The following ZNF606 variants were observed in gnomAD, a reference collection of about 807,000 sequenced individuals.
ZNF606 encodes zinc finger protein 606.
In ZNF606, 37 loss-of-function variants were observed where a neutral mutation model predicts 74.9. The ratio of observed to expected loss-of-function variants is 0.49; its 90% CI spans 0.38 to 0.65. The LOEUF (loss-of-function observed/expected upper bound fraction) is 0.65, where lower values mean the gene tolerates loss of function less well. Ranked by LOEUF, ZNF606 falls within the 30% of genes least tolerant of loss-of-function variation. The probability of loss-of-function intolerance (pLI) is 0.00; values close to 1 mark genes in which losing one functional copy is unlikely to be tolerated. For missense variants in ZNF606, 852 were observed against 952.9 expected, an observed-to-expected ratio of 0.89 and a Z score of 1.39; for synonymous variants, 328 against 312.4, an observed-to-expected ratio of 1.05 and a Z score of -0.53.
chr19:57,987,631 C>A (rs911038642), intron 6 of ZNF606, among the ~76,000 whole-genome samples: 2 of 151,988 alleles, frequency 1.3e-5, no homozygotes, highest in African/African-American at 4.8e-5. Context: ...AGTTCGAGAC[C>A]AGCCCAGCCA....
At position 58,000,729 on chromosome 19, in the gene ZNF606, C is replaced by A; in HGVS notation, c.42G>T (p.Thr14=). The change falls in exon 3 of 7, where the codon ACG becomes ACT. Residue 14 remains threonine (T), a synonymous_variant. Coordinates refer to ENST00000551380, the MANE Select transcript of ZNF606 (RefSeq NM_001348022.3). ...CAGCTGTCATCCCCCAAGATTGGTC[C>A]GTAAGGGCACCTGCACAGAAGGATC... The part of the protein sequence containing the change: ...INPWASWGAL[T]DQSWGMTAVD... The A allele has an allele frequency of 6.3e-7, 1 of 1,592,544 alleles. No individual in the cohort carries two copies. The highest frequency in any genetic ancestry group is 8.6e-7 in the Non-Finnish European group (1 of 1,168,018).
At chr19:57,999,595 G>T (rs967077585) in intron 4 of ZNF606, 2 of 526,190 alleles carry the variant, frequency 3.8e-6, no homozygotes, top group Non-Finnish European at 6.7e-6. Flanking sequence ...GGGAGAGTTG[G>T]AGCTCAGTAC....
At chr19:57,998,823 T>C (rs1188227202) in intron 4 of ZNF606, 1 of 152,076 alleles carries the variant, frequency 6.6e-6, no homozygotes, top group South Asian at 2.1e-4. Flanking sequence ...AGTAACTCCA[T>C]TGTCCTATTT....
chr19:58,002,157 C>A (rs1473697745), intron 1 of ZNF606: 3 of 456,708 alleles, frequency 6.6e-6, no homozygotes, highest in Non-Finnish European at 1.3e-5. Flanking sequence ...ACAGTGACCG[C>A]CGCCGTCACT....
chr19:57,990,840 C>A (rs924787647), intron 4 of ZNF606, among the ~76,000 whole-genome samples: 56 of 152,096 alleles, frequency 3.7e-4, no homozygotes, highest in African/African-American at 1.3e-3. Context: ...CAAAGAACTG[C>A]TTCTGCTCCA....
intron 1 of ZNF606, chr19:58,002,072 T>C (rs76724061): frequency 2.3e-6 from 1 of 426,080 alleles, no homozygotes; most frequent in Non-Finnish European, 4.7e-6. Context: ...GAACACACAG[T>C]GGGCCTCAGG....
At chr19:57,980,429 G>C (rs2073067583) in intron 6 of ZNF606, 150 bp from the exon 7 acceptor site, 1 of 745,012 alleles carries the variant, frequency 1.3e-6, no homozygotes. Context: ...GATCATAATA[G>C]GGAAAAGAAT....
intron 6 of ZNF606, among the ~76,000 whole-genome samples, chr19:57,984,833 G>C (rs771994293): frequency 6.6e-6 from 1 of 152,202 alleles, no homozygotes; most frequent in Non-Finnish European, 1.5e-5. Context: ...AGTGGCTCAT[G>C]CCTGTAATCC....
rs143232782 is a variant in ZNF606, at chr19:57,987,615, G to A, written c.400+592C>T. Among the ~76,000 whole-genome samples the A allele has an allele frequency of 4.3e-3, 657 of 152,140 alleles. 3 individuals are homozygous for A. The highest frequency in any genetic ancestry group is 0.015 in the African/African-American group (639 of 41,510). On this transcript the variant is annotated intron_variant, in intron 6 of 6. Coordinates refer to ENST00000551380, the MANE Select transcript of ZNF606 (RefSeq NM_001348022.3). ...GCCCGAGGTGGGCGGATCACTTGAG[G>A]TCAGGAGTTCGAGACCAGCCCAGCC...
At chr19:58,001,656 G>C (rs1023884417) in intron 1 of ZNF606, among the ~76,000 whole-genome samples, 3 of 152,140 alleles carry the variant, frequency 2.0e-5, no homozygotes, top group Non-Finnish European at 4.4e-5. Flanking sequence ...GGATTAATCT[G>C]ACAATTATTG....
intron 6 of ZNF606, 123 bp downstream of exon 6, chr19:57,988,084 G>C: frequency 1.4e-6 from 1 of 702,066 alleles, no homozygotes; most frequent in Non-Finnish European, 2.3e-6. Flanking sequence ...AGCAAGAGAA[G>C]AAAGCTCCTT....
chr19:58,003,067 C>A, upstream of ZNF606: 1 of 406,818 alleles, frequency 2.5e-6, no homozygotes. Flanking sequence ...GCCCCGCGGG[C>A]CTCGGTTTGC....
intron 4 of ZNF606, chr19:57,999,354 T>C (rs1258897964): frequency 6.9e-5 from 12 of 172,734 alleles, no homozygotes; most frequent in Non-Finnish European, 1.2e-4. Flanking sequence ...ACTGCACGTG[T>C]GGCTCCAGGT....
Position 57,980,213 on chromosome 19 carries a change from G to C in ZNF606, c.467C>G (p.Ser156Cys). Residue 156 changes from serine (S) to cysteine (C), a missense_variant, in exon 7 of 7, where the codon TCC (serine) becomes TGC (cysteine). By Grantham distance (112) the Ser-to-Cys change is moderately radical. This residue lies in a region of ZNF606 where 545 missense variants were observed against 542.5 expected (regional missense o/e 1.00). Transcript: ENST00000551380. Reference protein sequence around the residue: ...PAQSIFEEEQSHGMKLERYIW... With the variant: ...PAQSIFEEEQCHGMKLERYIW... Reference sequence around the variant, plus strand: ...ATATCTTTCCAACTTCATGCCATGGGATTGTTCTTCCTCAAAAATGCTCTG... The same window carrying C: ...ATATCTTTCCAACTTCATGCCATGGCATTGTTCTTCCTCAAAAATGCTCTG... 1 of 1,614,088 alleles carries C rather than the reference G, an allele frequency of 6.2e-7. No individual in the cohort carries two copies. The highest frequency in any genetic ancestry group is 8.5e-7 in the Non-Finnish European group (1 of 1,180,024).
At chr19:57,988,402 G>A in intron 5 of ZNF606, 100 bp from the exon 6 acceptor site, 1 of 1,396,652 alleles carries the variant, frequency 7.2e-7, no homozygotes, top group Non-Finnish European at 9.9e-7. Flanking sequence ...CTCAACCTGG[G>A]CAGAATATGC....
chr19:58,000,009 C>T (rs2073394511), intron 3 of ZNF606, 113 bp from the exon 4 acceptor site: 2 of 835,898 alleles, frequency 2.4e-6, no homozygotes, highest in Non-Finnish European at 1.8e-6. Context: ...AGGAAAGAGA[C>T]CCACTTCCTC....
chr19:57,999,829 C>T lies in ZNF606; in HGVS notation c.156G>A (p.Gly52=). ...TCACCTGAACCTGGGCTGCTGGGAG[C>T]CCAGTGGCCCTCCTCCCCTCCTCCA... ...GSLEEGRRAT[G]LPAAQVQEPV... The change falls in exon 4 of 7, where the codon GGG becomes GGA. Residue 52 remains glycine (G), a synonymous_variant. Transcript: ENST00000551380. The T allele has an allele frequency of 6.2e-7, 1 of 1,614,032 alleles. No homozygotes were observed. Among genetic ancestry groups the T allele is most frequent in the African/African-American group, 1.3e-5 (1 of 75,030 alleles).
At chr19:58,000,392 T>C in intron 3 of ZNF606, 1 of 547,546 alleles carries the variant, frequency 1.8e-6, no homozygotes. Flanking sequence ...CAGCTAATTT[T>C]TTGTATTTTG....
chr19:57,987,443 T>C (rs2073181181), intron 6 of ZNF606, among the ~76,000 whole-genome samples: 1 of 152,124 alleles, frequency 6.6e-6, no homozygotes, highest in African/African-American at 2.4e-5. Flanking sequence ...TTTTTTAGCT[T>C]ATACATTTTA....
Sources: gnomAD v4.1 joint callset for allele counts (sites outside exome capture counted in the v4.1 genomes callset) on GRCh38, gnomAD v4.1.1 for gene constraint, gnomAD v4.1.1 regional missense constraint, MANE v1.5 for transcripts, NCBI Gene and HGNC (gene_info 2026-07-23, HGNC 2026-07-21) for gene names.